Variants in TCF12 observed in about 807,000 individuals in gnomAD.
TCF12 encodes the protein DNA-binding protein HTF4.
Under a neutral mutation model 86.0 loss-of-function variants are expected in TCF12, and 45 were observed. That is an observed-to-expected ratio of 0.52 (90% CI 0.41 to 0.67). TCF12 has a LOEUF of 0.67. TCF12 is among the 30% of genes least tolerant of loss of function. The probability of loss-of-function intolerance (pLI) is 0.00; values close to 1 mark genes in which losing one functional copy is unlikely to be tolerated. For missense variants in TCF12, 881 were observed against 859.9 expected, an observed-to-expected ratio of 1.02 and a Z score of -0.31; for synonymous variants, 330 against 299.6, an observed-to-expected ratio of 1.10 and a Z score of -1.05.
At chr15:57,262,675 A>G (rs1242614976) in intron 17 of TCF12, among the ~76,000 whole-genome samples, 1 of 152,198 alleles carries the variant, frequency 6.6e-6, no homozygotes, top group Non-Finnish European at 1.5e-5. Flanking sequence ...AAGTGTGAAG[A>G]TAGAGCACTT....
At chr15:57,113,778 T>TA (rs34582402) in intron 5 of TCF12, among the ~76,000 whole-genome samples, 56,257 of 94,974 alleles carry the variant, frequency 0.59, 13,783 homozygotes, top group Admixed American at 0.65. Flanking sequence ...CGTCTCTACT[T>TA]AAAAAAAAAA....
At chr15:57,014,635 C>T (rs1263697357) in intron 3 of TCF12, among the ~76,000 whole-genome samples, 1 of 152,050 alleles carries the variant, frequency 6.6e-6, no homozygotes, top group Non-Finnish European at 1.5e-5. Flanking sequence ...TCAGAGGTTG[C>T]CACAGGCCAG....
intron 5 of TCF12, among the ~76,000 whole-genome samples, chr15:57,133,276 G>A (rs1225683119): frequency 2.0e-5 from 3 of 152,204 alleles, no homozygotes; most frequent in Non-Finnish European, 2.9e-5. Flanking sequence ...TTAGCACTGC[G>A]TGCCTTGCTT....
At chr15:57,266,666 T>A (rs1212596308) in intron 18 of TCF12, among the ~76,000 whole-genome samples, 1 of 152,204 alleles carries the variant, frequency 6.6e-6, no homozygotes, top group Admixed American at 6.5e-5. Context: ...GAAGTATGAA[T>A]ATAGACACAT....
At chr15:57,091,754 A>G (rs2049005021) in intron 4 of TCF12, 35 bp from the exon 5 acceptor site, 1 of 1,530,250 alleles carries the variant, frequency 6.5e-7, no homozygotes, top group African/African-American at 1.4e-5. Flanking sequence ...CTGCCAAATA[A>G]TCTCTTTAAT....
chr15:57,244,592 T>C (rs1270650735), intron 13 of TCF12, among the ~76,000 whole-genome samples: 1 of 152,192 alleles, frequency 6.6e-6, no homozygotes, highest in Non-Finnish European at 1.5e-5. Context: ...CCCGAGTAGC[T>C]GGGATTACAG....
intron 3 of TCF12, among the ~76,000 whole-genome samples, chr15:56,934,447 A>G (rs183550541): frequency 7.8e-4 from 119 of 152,310 alleles, no homozygotes; most frequent in African/African-American, 2.8e-3. Flanking sequence ...CTGTAAGCTT[A>G]TGCTTGAAGG....
intron 5 of TCF12, among the ~76,000 whole-genome samples, chr15:57,093,642 A>G (rs2049135165): frequency 6.6e-6 from 1 of 152,220 alleles, no homozygotes; most frequent in African/African-American, 2.4e-5. Flanking sequence ...TTGACTAACA[A>G]TATATCTGTA....
intron 4 of TCF12, among the ~76,000 whole-genome samples, chr15:57,082,227 C>A (rs1454885684): frequency 6.6e-6 from 1 of 152,188 alleles, no homozygotes; most frequent in Non-Finnish European, 1.5e-5. Flanking sequence ...CTATTTTAAT[C>A]ATGAACTGTG....
intron 8 of TCF12, among the ~76,000 whole-genome samples, chr15:57,203,384 CAT>C (rs1434190270): frequency 6.6e-6 from 1 of 152,036 alleles, no homozygotes; most frequent in Non-Finnish European, 1.5e-5. Flanking sequence ...TATTTCCAAA[CAT>C]AGATCATTTT....
intron 5 of TCF12, among the ~76,000 whole-genome samples, chr15:57,100,210 AG>A (rs1178739488): frequency 6.6e-6 from 1 of 152,176 alleles, no homozygotes; most frequent in African/African-American, 2.4e-5. Flanking sequence ...GGTGGATGAC[AG>A]GGGCCGTGGC....
chr15:57,210,750 C>T (rs1301223636), intron 8 of TCF12, among the ~76,000 whole-genome samples: 2 of 152,174 alleles, frequency 1.3e-5, no homozygotes, highest in African/African-American at 4.8e-5. Context: ...GATCGCGCAC[C>T]TATAAAGTTA....
At chr15:57,183,392 T>G (rs897956617) in intron 6 of TCF12, among the ~76,000 whole-genome samples, 8 of 152,224 alleles carry the variant, frequency 5.3e-5, no homozygotes, top group African/African-American at 1.7e-4. Flanking sequence ...TTCTTGATCT[T>G]AATTGATACT....
intron 5 of TCF12, 60 bp from the exon 6 acceptor site, chr15:57,166,342 G>T: frequency 7.1e-7 from 1 of 1,415,988 alleles, no homozygotes; most frequent in Non-Finnish European, 9.8e-7. Context: ...TAGTCTAGCA[G>T]TTTGATTGTC....
At chr15:57,044,448 A>G (rs1424608443) in intron 3 of TCF12, among the ~76,000 whole-genome samples, 1 of 152,158 alleles carries the variant, frequency 6.6e-6, no homozygotes, top group Admixed American at 6.5e-5. Context: ...TTATATTGTC[A>G]TTTAATTACT....
At chr15:57,057,190 G>A (rs1391726983) in intron 3 of TCF12, among the ~76,000 whole-genome samples, 2 of 152,172 alleles carry the variant, frequency 1.3e-5, no homozygotes, top group Admixed American at 6.5e-5. Flanking sequence ...TGGTGTTCCA[G>A]GACTCAGCCA....
rs774744993 is a variant in TCF12 at position 57,253,358 on chromosome 15, C to T, written c.1357C>T (p.His453Tyr). 1 of 1,613,876 alleles carries T rather than the reference C, an allele frequency of 6.2e-7. No individual in the cohort carries two copies. Among genetic ancestry groups the T allele is most frequent in the African/African-American group, 1.3e-5 (1 of 74,876 alleles). The change falls in exon 16 of 21, where the codon CAC (histidine) becomes TAC (tyrosine). Residue 453 changes from histidine (H) to tyrosine (Y), a missense_variant. By Grantham distance (83) the His-to-Tyr change is moderately conservative. Transcript: ENST00000333725. ...VGPSTSLPAG[H>Y]SDIHSLLGPS... ...ACCTTCCACCAGTTTGCCTGCTGGT[C>T]ACAGTGATATACATAGTTTATTGGG...
chr15:57,098,044 G>T (rs1007653909), intron 5 of TCF12, among the ~76,000 whole-genome samples: 1 of 142,418 alleles, frequency 7.0e-6, no homozygotes, highest in African/African-American at 2.6e-5. Context: ...AACCAGTCAG[G>T]CATGATGGCA....
intron 5 of TCF12, among the ~76,000 whole-genome samples, chr15:57,150,908 T>G (rs2053699066): frequency 7.8e-6 from 1 of 127,502 alleles, no homozygotes; most frequent in African/African-American, 2.9e-5. Context: ...CCTTCCTTCC[T>G]TCCTTCCTTC....
Sources: allele counts gnomAD v4.1 joint callset (sites outside exome capture counted in the v4.1 genomes callset), GRCh38; gene constraint gnomAD v4.1.1; transcripts MANE v1.5; gene names NCBI Gene and HGNC (gene_info 2026-07-23, HGNC 2026-07-21).